Variants in CHRD observed in about 807,000 individuals in gnomAD.
The protein encoded by CHRD is chordin.
In CHRD, 69 loss-of-function variants were observed where a neutral mutation model predicts 113.7. The observed-to-expected ratio is 0.61, with a 90% CI of 0.50 to 0.74. The LOEUF (loss-of-function observed/expected upper bound fraction) is 0.74. Among genes scored for constraint, CHRD ranks in the 30% least tolerant of loss-of-function variants. The pLI is 0.00. For missense variants in CHRD, 1,194 were observed against 1,295.8 expected (o/e 0.92, Z 1.21); for synonymous variants, 561 against 540.8 (o/e 1.04, Z -0.52).
chr3:184,388,851 T>A lies in CHRD; in HGVS notation c.2710-42T>A. 6.3e-7 allele frequency: 1 copy of A among 1,599,898 alleles called. No homozygotes were observed. The highest frequency in any genetic ancestry group is 8.6e-7 in the Non-Finnish European group (1 of 1,168,106). ...GAAGCTGAAGGTCACTGTGTCCCAG[T>A]GCCTCTGGGGGACACTCAGTGTCTG... On this transcript the variant is annotated intron_variant, in intron 21 of 22. Transcript: ENST00000204604. The surrounding 1 kb of genome is among the most constrained non-coding windows in gnomAD (Gnocchi z 6.1).
At position 184,381,206 on chromosome 3, in the gene CHRD, C is replaced by G. The variant is rs79103946; in HGVS notation, c.253-29C>G. On this transcript the variant is annotated intron_variant, in intron 2 of 22. Transcript: ENST00000204604. The surrounding 1 kb of genome is among the most constrained non-coding windows in gnomAD (Gnocchi z 4.7). The stretch of plus-strand genomic sequence containing the variant: ...CTCATCAGTTGGCATCTTGCACTCA[C>G]TTGGGTTTCCCGCCTTTTCCGGGAG... The G allele has an allele frequency of 1.4e-3, 2,206 of 1,612,576 alleles. 27 individuals are homozygous for G. In the African/African-American group the frequency reaches 0.025, roughly 18 times the overall value.
chr3:184,387,861 T>C lies in CHRD; in HGVS notation c.2452-70T>C, dbSNP rs925400390. 64 of 1,347,146 alleles carry C rather than the reference T, an allele frequency of 4.8e-5. No individual in the cohort carries two copies. The highest frequency in any genetic ancestry group is 6.4e-5 in the Non-Finnish European group (61 of 956,592). The allele number at this position is 1,347,146 out of a possible 1,614,324, so 83.4% of individuals were successfully genotyped here. On this transcript the variant is annotated intron_variant, in intron 19 of 22. Transcript: ENST00000204604. This position sits in a 1 kb window ranked among gnomAD's most constrained non-coding sequence, Gnocchi z 6.1. The stretch of plus-strand genomic sequence containing the variant: ...GAGAGACTGCATTTGAGGTGTGGAA[T>C]AGGAGAGGGAGTGGGCAGGAGGCTT...
chr3:184,381,439 C>G lies in CHRD; in HGVS notation c.383-57C>G. 6.3e-7 allele frequency: 1 copy of G among 1,596,560 alleles called. No individual in the cohort carries two copies. The highest frequency in any genetic ancestry group is 1.1e-5 in the South Asian group (1 of 89,640). On this transcript the variant is annotated intron_variant, in intron 3 of 22. Coordinates refer to ENST00000204604, the Ensembl canonical transcript of CHRD. This position sits in a 1 kb window ranked among gnomAD's most constrained non-coding sequence, Gnocchi z 4.7. ...GTCCCGGGCCACTTGGATGGGGCGT[C>G]GGACTGGCCTTTCCCATGGCCAGCT...
At chr3:184,385,055 C>T (rs776435691) in exon 14 of CHRD, 3 of 1,614,116 alleles carry the variant, frequency 1.9e-6, no homozygotes, top group South Asian at 1.1e-5. Flanking sequence ...TGGTGCTACC[C>T]CCTGTGAAGA....
chr3:184,382,030 T>C lies in CHRD; in HGVS notation c.699+10T>C, dbSNP rs1399633360. The C allele has an allele frequency of 1.2e-6, 2 of 1,613,322 alleles. No homozygotes were observed. Among genetic ancestry groups the C allele is most frequent in the Non-Finnish European group, 1.7e-6 (2 of 1,179,950 alleles). The stretch of plus-strand genomic sequence containing the variant: ...CACCCAAGATGGCCTGGTGAGATGA[T>C]GCCATTTATGAGCACTTGCCCAGTC... On this transcript the variant is annotated intron_variant, in intron 6 of 22. Coordinates refer to ENST00000204604, the Ensembl canonical transcript of CHRD.
In CHRD at chr3:184,380,683, T is replaced by TC; in HGVS notation, c.149-5dup. The stretch of plus-strand genomic sequence containing the variant: ...GGGCAGCGGCCTCCAGCCAAGCCCG[T>TC]CCCCGCAGGCTGCACCTTCGGCGGG... On this transcript the variant is annotated splice_polypyrimidine_tract_variant and intron_variant, in intron 1 of 22. Transcript: ENST00000204604. This position sits in a 1 kb window ranked among gnomAD's most constrained non-coding sequence, Gnocchi z 6.3. The TC allele has an allele frequency of 6.4e-7, 1 of 1,574,730 alleles. No homozygotes were observed. Among genetic ancestry groups the TC allele is most frequent in the Non-Finnish European group, 8.6e-7 (1 of 1,167,902 alleles).
chr3:184,381,810 C>T lies in CHRD; in HGVS notation c.606C>T (p.Tyr202=), dbSNP rs769025130. Residue 202 remains tyrosine, a synonymous_variant, in exon 5 of 23, where the codon TAC becomes TAT. Coordinates refer to ENST00000204604, the Ensembl canonical transcript of CHRD. This position sits in a 1 kb window ranked among gnomAD's most constrained non-coding sequence, Gnocchi z 4.7. ...CTAGCCTCCGCTTCTCTATCTCCTACAGGCGGTGAGAAAGGGGAAGGAGCA... is the reference window on the plus strand; with the variant it reads ...CTAGCCTCCGCTTCTCTATCTCCTATAGGCGGTGAGAAAGGGGAAGGAGCA... The T allele has an allele frequency of 6.1e-5, 99 of 1,612,960 alleles. No homozygotes were observed. The Middle Eastern group carries it at 1.3e-3, about 21-fold the overall frequency.
rs1176839795 is a variant in CHRD, at chr3:184,380,428, G to T, written c.110G>T (p.Arg37Leu). 1.5e-6 allele frequency: 2 copies of T among 1,301,034 alleles called. No individual in the cohort carries two copies. The highest frequency in any genetic ancestry group is 9.8e-7 in the Non-Finnish European group (1 of 1,018,562). The allele number at this position is 1,301,034 out of a possible 1,614,324, so 80.6% of individuals were successfully genotyped here. ...CCAGAGCCCCCCGTGCTGCCCATCCGTTCTGAGAAGGAGCCGCTGCCCGTT... is the reference window on the plus strand; with the variant it reads ...CCAGAGCCCCCCGTGCTGCCCATCCTTTCTGAGAAGGAGCCGCTGCCCGTT... The change falls in exon 1 of 23, where the codon CGT (arginine) becomes CTT (leucine). Residue 37 changes from arginine (R) to leucine (L), a missense_variant. Arg to Leu is a moderately radical substitution (Grantham distance 102). Coordinates refer to ENST00000204604, the Ensembl canonical transcript of CHRD. The surrounding 1 kb of genome is among the most constrained non-coding windows in gnomAD (Gnocchi z 6.3).
exon 14 of CHRD, chr3:184,385,150 C>T (rs751035404): frequency 1.3e-5 from 21 of 1,613,998 alleles, no homozygotes; most frequent in Non-Finnish European, 1.7e-5. Flanking sequence ...CTTGGTGGCT[C>T]AGAACAAGGC....
chr3:184,390,440 C>T (rs1716982622), downstream of CHRD: 1 of 151,934 alleles, frequency 6.6e-6, no homozygotes. Flanking sequence ...GAGGCAAACA[C>T]TTTTCTGTTT....
chr3:184,387,349 G>A lies in CHRD; in HGVS notation c.2348-25G>A, dbSNP rs748443158. On this transcript the variant is annotated intron_variant, in intron 18 of 22. Transcript: ENST00000204604. The surrounding 1 kb of genome is among the most constrained non-coding windows in gnomAD (Gnocchi z 6.1). Reference sequence around the variant, plus strand: ...CCCAGCTGATGAGCTCATACTAATGGCTGCTGGGCCCTGTTCCCCACCAGG... The same window carrying A: ...CCCAGCTGATGAGCTCATACTAATGACTGCTGGGCCCTGTTCCCCACCAGG... 7.5e-6 allele frequency: 12 copies of A among 1,591,790 alleles called. No individual in the cohort carries two copies. The highest frequency in any genetic ancestry group is 1.2e-5 in the South Asian group (1 of 86,858).
chr3:184,388,029 T>G lies in CHRD; in HGVS notation c.2550T>G (p.Cys850Trp). 1 of 1,612,986 alleles carries G rather than the reference T, an allele frequency of 6.2e-7. No individual in the cohort carries two copies. ...ACCCCACCGACTGCTGCAAACAGTG[T>G]CCAGGTGAGAGAGGTGGCTGAGCAC... Residue 850 changes from cysteine to tryptophan, a missense_variant, in exon 20 of 23, where the codon TGT becomes TGG. Transcript: ENST00000204604. The surrounding 1 kb of genome is among the most constrained non-coding windows in gnomAD (Gnocchi z 6.1).
Position 184,383,173 on chromosome 3 carries a change from G to T in CHRD, c.1213+10G>T, listed in dbSNP as rs562334974. 9.7e-5 allele frequency: 155 copies of T among 1,593,236 alleles called. No homozygotes were observed. The highest frequency in any genetic ancestry group is 9.5e-4 in the African/African-American group (71 of 74,630). On this transcript the variant is annotated intron_variant, in intron 10 of 22. Coordinates refer to ENST00000204604, the Ensembl canonical transcript of CHRD. ...AGGAAGAGCTGCGACGGTGAGGCGG[G>T]GGGGGGGCCTGGTGCGCCGGGCATG...
chr3:184,380,267 C>G lies in CHRD; in HGVS notation c.-52C>G, dbSNP rs1412631850. ...CCGCACTCCCGCCTCCCTCCCTCCG[C>G]CCGCTCCCGCGCCCTCCTCCCTCCC... On this transcript the variant is annotated 5_prime_UTR_variant, in exon 1 of 23. Coordinates refer to ENST00000204604, the Ensembl canonical transcript of CHRD. This position sits in a 1 kb window ranked among gnomAD's most constrained non-coding sequence, Gnocchi z 6.3. The G allele has an allele frequency of 9.7e-7, 1 of 1,030,406 alleles. No individual in the cohort carries two copies. 63.8% of individuals were successfully genotyped at this position (1,030,406 alleles called of 1,614,324 possible). A position where few individuals can be genotyped will look rare whatever the true frequency, so the allele number is the denominator to read the frequency against.
rs764022101 is a variant in CHRD, at chr3:184,381,063, C to T, written c.253-172C>T. 3.8e-6 allele frequency: 3 copies of T among 796,644 alleles called. No homozygotes were observed. In the African/African-American group the frequency reaches 5.1e-5, roughly 13 times the overall value. The allele number at this position is 796,644 out of a possible 1,614,324, so 49.3% of individuals were successfully genotyped here. ...CTTGCTAGATAGAGAGTATTATTAT[C>T]CCCATTTTCCAGACAGGGACCTTGA... On this transcript the variant is annotated intron_variant, in intron 2 of 22. Transcript: ENST00000204604. This position sits in a 1 kb window ranked among gnomAD's most constrained non-coding sequence, Gnocchi z 4.7.
chr3:184,382,160 G>T, intron 6 of CHRD, 140 bp downstream of exon 6: 1 of 1,277,062 alleles, frequency 7.8e-7, no homozygotes, highest in Non-Finnish European at 1.1e-6. Context: ...ACAGAAGGGG[G>T]AACTGAGGCT....
chr3:184,389,623 A>T (rs952454919), exon 23 of CHRD: 4 of 567,302 alleles, frequency 7.1e-6, no homozygotes, highest in Non-Finnish European at 1.3e-5. Flanking sequence ...GGTCACAGCC[A>T]CTCCAAGTCC....
In CHRD at chr3:184,387,183, G is replaced by T; in HGVS notation, c.2347+76G>T. The T allele has an allele frequency of 6.9e-7, 1 of 1,448,498 alleles. No individual in the cohort carries two copies. The highest frequency in any genetic ancestry group is 1.1e-5 in the South Asian group (1 of 87,146). The allele number at this position is 1,448,498 out of a possible 1,614,324, so 89.7% of individuals were successfully genotyped here. A position where few individuals can be genotyped will look rare whatever the true frequency, so the allele number is the denominator to read the frequency against. On this transcript the variant is annotated intron_variant, in intron 18 of 22. Transcript: ENST00000204604. This position sits in a 1 kb window ranked among gnomAD's most constrained non-coding sequence, Gnocchi z 6.1. The stretch of plus-strand genomic sequence containing the variant: ...GTTGAACCAGGAGGGGGACAAGAAG[G>T]GGAGAGTATATAGGGGGTGGCCTGA...
rs751925017 is a variant in CHRD, at chr3:184,383,436, C to T, written c.1320+18C>T. The T allele has an allele frequency of 4.3e-6, 7 of 1,613,298 alleles. 1 individual carries two copies. Among genetic ancestry groups the T allele is most frequent in the South Asian group, 3.3e-5 (3 of 91,050 alleles). ...TCTATCAGGTAAGAGCCAGGGGCTG[C>T]AGAAGGTGGGGGAGGGGTGGCGTGG... On this transcript the variant is annotated intron_variant, in intron 11 of 22. Transcript: ENST00000204604.
Sources: gnomAD v4.1 joint callset for allele counts on GRCh38, gnomAD v4.1.1 for gene constraint, Gnocchi (gnomAD v3.1) non-coding constraint, MANE v1.5 for transcripts, NCBI Gene and HGNC (gene_info 2026-07-23, HGNC 2026-07-21) for gene names.